Variants in MTA3 observed in about 807,000 individuals in gnomAD.
MTA3 encodes metastasis-associated protein MTA3.
A neutral mutation model predicts 83.5 loss-of-function variants in MTA3; 34 were observed. The observed-to-expected ratio is 0.41, with a 90% CI of 0.31 to 0.54. The LOEUF is 0.54. Among genes scored for constraint, MTA3 ranks in the 20% least tolerant of loss-of-function variants. MTA3 has a pLI of 0.33. For missense variants in MTA3, 761 were observed against 726.4 expected (o/e 1.05, Z -0.55); for synonymous variants, 303 against 252.7 (o/e 1.20, Z -1.89).
At chr2:42,677,431 C>G (rs1023183221) in intron 8 of MTA3, among the ~76,000 whole-genome samples, 2 of 152,110 alleles carry the variant, frequency 1.3e-5, no homozygotes, top group South Asian at 4.1e-4. Flanking sequence ...CAACTTCCGC[C>G]TCCTGGGTTC....
intron 2 of MTA3, among the ~76,000 whole-genome samples, chr2:42,516,711 CAAAG>C (rs1032365351): frequency 6.6e-6 from 1 of 152,136 alleles, no homozygotes; most frequent in Non-Finnish European, 1.5e-5. Flanking sequence ...ATAGAGAAAA[CAAAG>C]AAGTCAATGA....
chr2:42,756,097 A>G lies in MTA3; in HGVS notation c.*2698A>G, dbSNP rs1670219024. 1.4e-5 allele frequency: 13 copies of G among 901,896 alleles called. No individual in the cohort carries two copies. The highest frequency in any genetic ancestry group is 1.7e-5 in the Non-Finnish European group (13 of 753,606). 55.9% of individuals were successfully genotyped at this position (901,896 alleles called of 1,614,324 possible). A position where few individuals can be genotyped will look rare whatever the true frequency, so the allele number is the denominator to read the frequency against. On this transcript the variant is annotated 3_prime_UTR_variant, in exon 17 of 17. Coordinates refer to ENST00000405094, the MANE Select transcript of MTA3 (RefSeq NM_001330442.2). ...AAAACAAGAAAAGCTGAGAGGCAAA[A>G]CAGGGGAGTGAGGGGCAACCCAGAG... is the stretch of plus-strand genomic sequence containing the variant.
chr2:42,601,217 T>C (rs1275613277), intron 3 of MTA3, among the ~76,000 whole-genome samples: 1 of 152,210 alleles, frequency 6.6e-6, no homozygotes, highest in African/African-American at 2.4e-5. Context: ...TTTTTATTAT[T>C]ATAAATCAAC....
At chr2:42,745,546 A>T (rs2104592411) in intron 16 of MTA3, among the ~76,000 whole-genome samples, 1 of 152,210 alleles carries the variant, frequency 6.6e-6, no homozygotes, top group Non-Finnish European at 1.5e-5. Flanking sequence ...AATAGTTTTT[A>T]AAATTTATTT....
At chr2:42,681,767 T>TC (rs1391861962) in intron 8 of MTA3, among the ~76,000 whole-genome samples, 1 of 151,882 alleles carries the variant, frequency 6.6e-6, no homozygotes, top group Non-Finnish European at 1.5e-5. Context: ...CACCTTGGCT[T>TC]CTCAAAGCGC....
intron 2 of MTA3, among the ~76,000 whole-genome samples, chr2:42,549,344 TTATA>T (rs1237945610): frequency 1.7e-5 from 2 of 120,096 alleles, no homozygotes; most frequent in African/African-American, 6.4e-5. Context: ...TACGTATACA[TTATA>T]TATTACATAT....
chr2:42,528,701 G>A (rs1675828728), intron 2 of MTA3, among the ~76,000 whole-genome samples: 1 of 152,158 alleles, frequency 6.6e-6, no homozygotes, highest in African/African-American at 2.4e-5. Flanking sequence ...TTTCTTCATT[G>A]ATTTCAGCCA....
In MTA3 at chr2:42,717,646, C is replaced by G. The variant is rs1450417095; in HGVS notation, c.1526-1342C>G. On this transcript the variant is annotated intron_variant, in intron 14 of 16. Transcript: ENST00000405094. The stretch of plus-strand genomic sequence containing the variant: ...ACTGTTCTGACTGTTGGATGAAATA[C>G]TCTGTTTGCACACAGGTAGCCTTTT... 5.3e-5 allele frequency among the ~76,000 whole-genome samples: 8 copies of G among 152,320 alleles called. No homozygotes were observed. The East Asian group carries it at 1.5e-3, about 29-fold the overall frequency.
chr2:42,653,251 C>T (rs988711634), intron 6 of MTA3, among the ~76,000 whole-genome samples: 2 of 152,000 alleles, frequency 1.3e-5, no homozygotes, highest in South Asian at 2.1e-4. Context: ...TTTGATGATA[C>T]GGCACTTGAG....
At chr2:42,567,570 A>C (rs1356253131), upstream of MTA3, among the ~76,000 whole-genome samples, 18 of 151,908 alleles carry the variant, frequency 1.2e-4, no homozygotes, top group Non-Finnish European at 8.8e-5. Flanking sequence ...GTCTGGGAGT[A>C]CTTTGGAATG....
chr2:42,548,873 T>TA lies in MTA3; in HGVS notation c.-140-21563dup, dbSNP rs1235755943. Among the ~76,000 whole-genome samples the TA allele has an allele frequency of 6.7e-3, 135 of 20,142 alleles. 17 individuals are homozygous for TA. The highest frequency in any genetic ancestry group is 0.012 in the African/African-American group (32 of 2,608). The allele number at this position is 20,142 out of a possible 152,430, so 13.2% of individuals were successfully genotyped here. A position where few individuals can be genotyped will look rare whatever the true frequency, so the allele number is the denominator to read the frequency against. ...TATATATATATAATATATATATATA[T>TA]ATAATATATATATATATATCAGCGG... is the stretch of plus-strand genomic sequence containing the variant. On this transcript the variant is annotated intron_variant, in intron 2 of 17. Coordinates refer to the MTA3 transcript ENST00000405592.
intron 2 of MTA3, among the ~76,000 whole-genome samples, chr2:42,546,855 G>A (rs1051518206): frequency 3.3e-5 from 5 of 152,162 alleles, no homozygotes; most frequent in Non-Finnish European, 7.4e-5. Context: ...GCAGACAGGA[G>A]GATGAATGTG....
In MTA3 at chr2:42,622,751, C is replaced by A. The variant is rs1351686980; in HGVS notation, c.317+13167C>A. Among the ~76,000 whole-genome samples, 4 of 151,942 alleles carry A rather than the reference C, an allele frequency of 2.6e-5. No homozygotes were observed. The East Asian group carries it at 7.7e-4, about 29-fold the overall frequency. On this transcript the variant is annotated intron_variant, in intron 4 of 16. Coordinates refer to ENST00000405094, the MANE Select transcript of MTA3 (RefSeq NM_001330442.2). ...AAGTAATCTTCCCACCTTAGTCTCT[C>A]AAAGTGCTGGGATTATAGGTGTGAG...
intron 14 of MTA3, among the ~76,000 whole-genome samples, chr2:42,712,398 A>G (rs1269521265): frequency 2.0e-5 from 3 of 152,028 alleles, no homozygotes; most frequent in Non-Finnish European, 4.4e-5. Context: ...CTGGGGCCCA[A>G]GTGATCCTCT....
intron 16 of MTA3, among the ~76,000 whole-genome samples, chr2:42,724,275 AAAAC>A (rs776552792): frequency 0.054 from 4,460 of 82,110 alleles, 203 homozygotes; most frequent in African/African-American, 0.091. Context: ...TAAGTCCTGA[AAAAC>A]ACACACACAC....
intron 2 of MTA3, among the ~76,000 whole-genome samples, chr2:42,539,456 C>A (rs1474594449): frequency 2.0e-5 from 3 of 152,048 alleles, no homozygotes; most frequent in African/African-American, 7.2e-5. Context: ...ATGGGGGAAA[C>A]TGCCCCCACG....
At chr2:42,581,623 T>A (rs1249603759) in intron 3 of MTA3, among the ~76,000 whole-genome samples, 1 of 151,662 alleles carries the variant, frequency 6.6e-6, no homozygotes. Context: ...CCTCAAGCAG[T>A]CCTCCGACCT....
chr2:42,562,349 G>C (rs1375070151), intron 2 of MTA3, among the ~76,000 whole-genome samples: 1 of 152,054 alleles, frequency 6.6e-6, no homozygotes, highest in East Asian at 1.9e-4. Flanking sequence ...GGTGAGGTAG[G>C]AATGAGTCAG....
intron 2 of MTA3, among the ~76,000 whole-genome samples, chr2:42,500,114 C>T (rs1424295238): frequency 6.6e-6 from 1 of 151,946 alleles, no homozygotes; most frequent in Non-Finnish European, 1.5e-5. Flanking sequence ...ACTAAAAATA[C>T]AAAAATTTGG....
Sources: allele counts gnomAD v4.1 joint callset (sites outside exome capture counted in the v4.1 genomes callset), GRCh38; gene constraint gnomAD v4.1.1; transcripts MANE v1.5; gene names NCBI Gene and HGNC (gene_info 2026-07-23, HGNC 2026-07-21).